Variants in CLSPN observed in about 807,000 individuals in gnomAD.
CLSPN encodes claspin homolog.
Under a neutral mutation model 156.3 loss-of-function variants are expected in CLSPN, and 85 were observed. The ratio of observed to expected loss-of-function variants is 0.54; its 90% CI spans 0.46 to 0.65. CLSPN has a LOEUF of 0.65. Ranked by LOEUF, CLSPN falls within the 30% of genes least tolerant of loss-of-function variation. The probability of loss-of-function intolerance (pLI) is 0.00; values close to 1 mark genes in which losing one functional copy is unlikely to be tolerated. For synonymous variants in CLSPN, 534 were observed against 542.4 expected (o/e 0.98, Z 0.22); for missense variants, 1,407 against 1,554.9 (o/e 0.90, Z 1.60).
In CLSPN at chr1:35,745,594, A is replaced by G. The variant is rs570538176; in HGVS notation, c.2855-32T>C. The G allele has an allele frequency of 2.1e-6, 3 of 1,403,730 alleles. No homozygotes were observed. In the South Asian group the frequency reaches 3.5e-5, roughly 16 times the overall value. The allele number at this position is 1,403,730 out of a possible 1,614,324, so 87.0% of individuals were successfully genotyped here. ...CACAACAAGGAAAAGATGTGTCACC[A>G]AGGAATGATAGCTTTATACTCTTTT... On this transcript the variant is annotated intron_variant, in intron 15 of 24. Transcript: ENST00000318121.
chr1:35,752,330 A>C (rs137911170), intron 9 of CLSPN, among the ~76,000 whole-genome samples: 1 of 152,292 alleles, frequency 6.6e-6, no homozygotes, highest in African/African-American at 2.4e-5. Context: ...CTGTAATCCC[A>C]GCACTTTGCG....
downstream of CLSPN, among the ~76,000 whole-genome samples, chr1:35,728,077 C>CTTTTTTTTTTTTTTTTTTTT (rs59275877): frequency 1.9e-5 from 2 of 103,982 alleles, no homozygotes; most frequent in Non-Finnish European, 3.8e-5. Context: ...AAACCACAAG[C>CTTTTTTTTTTTTTTTTTTTT]TTTTTTTTTT....
intron 24 of CLSPN, chr1:35,721,003 CGAG>C (rs775548561): frequency 2.6e-6 from 4 of 1,525,972 alleles, no homozygotes; most frequent in Non-Finnish European, 3.6e-6. Context: ...TAAAGGAAGA[CGAG>C]GCAGGGAAGA....
At chr1:35,725,603 C>T (rs1641164027) in intron 24 of CLSPN, among the ~76,000 whole-genome samples, 2 of 150,608 alleles carry the variant, frequency 1.3e-5, no homozygotes, top group South Asian at 2.2e-4. Flanking sequence ...CACAGCCTTT[C>T]AAGGCCTGAC....
chr1:35,736,597 T>C lies in CLSPN; in HGVS notation c.3919A>G (p.Arg1307Gly). Reference protein sequence around the residue: ...KESSKSQVKKRGPSFMTSPSP... With the variant: ...KESSKSQVKKGGPSFMTSPSP... ...GGAGAAGTCATGAAAGATGGACCCC[T>C]TTTCTTTACCTAGAGAGCAGAGAGG... is the stretch of plus-strand genomic sequence containing the variant. The change falls in exon 25 of 25, where the codon AGG becomes GGG. Residue 1307 changes from arginine to glycine, a missense_variant. This residue lies in a region of CLSPN where 241 missense variants were observed against 240.5 expected (regional missense o/e 1.00). Coordinates refer to ENST00000318121, the MANE Select transcript of CLSPN (RefSeq NM_022111.4). The C allele has an allele frequency of 6.2e-7, 1 of 1,610,402 alleles. No homozygotes were observed. The highest frequency in any genetic ancestry group is 8.5e-7 in the Non-Finnish European group (1 of 1,178,736).
chr1:35,727,093 G>A (rs550064181), intron 24 of CLSPN, among the ~76,000 whole-genome samples: 3 of 152,154 alleles, frequency 2.0e-5, no homozygotes, highest in African/African-American at 4.8e-5. Context: ...AGGAGTCTCC[G>A]TTCTTTGTTG....
At chr1:35,756,977 G>A (rs1036969335) in intron 8 of CLSPN, among the ~76,000 whole-genome samples, 1 of 152,092 alleles carries the variant, frequency 6.6e-6, no homozygotes, top group African/African-American at 2.4e-5. Flanking sequence ...AATGATCTGG[G>A]CTCTGATCAC....
At chr1:35,731,691 G>C (rs1436473178), downstream of CLSPN, among the ~76,000 whole-genome samples, 5 of 152,058 alleles carry the variant, frequency 3.3e-5, no homozygotes, top group Non-Finnish European at 4.4e-5. Context: ...GATGCAATTT[G>C]GAAGTAGAAA....
rs912700256 is a variant in CLSPN, at chr1:35,762,001, G to A, written c.892C>T (p.Arg298Ter). Reference sequence around the variant, plus strand: ...AAAGTTTACTGGGTTGCATTACCTCGAATAAGGCGCTGAGTCTCACTATGC... The same window carrying A: ...AAAGTTTACTGGGTTGCATTACCTCAAATAAGGCGCTGAGTCTCACTATGC... ...QLHSETQRLI[R>*]ESALNLPYHM... Residue 298 changes from arginine to a stop codon, truncating the protein, a stop_gained, in exon 6 of 25, where the codon CGA (arginine) becomes TGA (stop). Transcript: ENST00000318121. LOFTEE classifies it high-confidence loss of function. 1.2e-6 allele frequency: 2 copies of A among 1,610,504 alleles called. No individual in the cohort carries two copies. Among genetic ancestry groups the A allele is most frequent in the African/African-American group, 1.3e-5 (1 of 74,830 alleles).
downstream of CLSPN, among the ~76,000 whole-genome samples, chr1:35,729,019 G>A (rs746512899): frequency 2.3e-4 from 34 of 147,008 alleles, no homozygotes; most frequent in Middle Eastern, 0.01. Flanking sequence ...AATTTTTCAC[G>A]TTTGGAAAAC....
rs186998662 is a variant in CLSPN, at chr1:35,734,632, C to T, written c.*1864G>A. The T allele has an allele frequency of 0.012, 6,039 of 520,392 alleles. 58 individuals are homozygous for T. The highest frequency in any genetic ancestry group is 0.013 in the Non-Finnish European group (5,455 of 413,858). The allele number at this position is 520,392 out of a possible 1,614,324, so 32.2% of individuals were successfully genotyped here. A position where few individuals can be genotyped will look rare whatever the true frequency, so the allele number is the denominator to read the frequency against. The stretch of plus-strand genomic sequence containing the variant: ...GGCGGAGGTTGCAGTAAGCCGAGAT[C>T]ATGCCATTGTATTCCAGCCTAGGTG... On this transcript the variant is annotated 3_prime_UTR_variant, in exon 25 of 25. Transcript: ENST00000318121.
Position 35,746,974 on chromosome 1 carries a change from G to C in CLSPN, c.2646C>G (p.Asn882Lys). The C allele has an allele frequency of 1.2e-6, 2 of 1,613,866 alleles. No homozygotes were observed. The highest frequency in any genetic ancestry group is 1.7e-6 in the Non-Finnish European group (2 of 1,179,808). The change falls in exon 15 of 25, where the codon AAC becomes AAG. Residue 882 changes from asparagine to lysine, a missense_variant. Around this residue, in one of 3 missense-constraint regions of CLSPN, gnomAD observed 1,096 missense variants for 1,193.0 expected, o/e 0.92. Coordinates refer to ENST00000318121, the MANE Select transcript of CLSPN (RefSeq NM_022111.4). This position sits in a 1 kb window ranked among gnomAD's most constrained non-coding sequence, Gnocchi z 4.2. ...LDADGFLNVR[N>K]HRNQYQALKP... is the part of the protein sequence containing the mutation. ...TCAAAGCTTGGTACTGATTCCTGTG[G>C]TTTCTAACATTTAAGAACCTAAGAA...
At chr1:35,749,566 G>C in intron 11 of CLSPN, 35 bp from the exon 12 acceptor site, 1 of 1,613,932 alleles carries the variant, frequency 6.2e-7, no homozygotes, top group East Asian at 2.2e-5. Context: ...TTCAGTATCT[G>C]TTCCTAGTTT....
intron 1 of CLSPN, among the ~76,000 whole-genome samples, chr1:35,768,620 T>C (rs1409522506): frequency 6.6e-6 from 1 of 151,744 alleles, no homozygotes; most frequent in African/African-American, 2.4e-5. Flanking sequence ...CCATGTTTTC[T>C]ATGCAGGCTG....
intron 9 of CLSPN, among the ~76,000 whole-genome samples, chr1:35,752,168 A>G (rs909170554): frequency 1.3e-5 from 2 of 152,204 alleles, no homozygotes; most frequent in Non-Finnish European, 2.9e-5. Flanking sequence ...ATCTGGCACT[A>G]TAATATAACA....
intron 12 of CLSPN, 177 bp from the exon 13 acceptor site, chr1:35,748,781 C>A: frequency 5.3e-6 from 3 of 570,520 alleles, no homozygotes; most frequent in South Asian, 1.7e-5. Context: ...ATTATATAAT[C>A]AGGGCTTATT....
In CLSPN at chr1:35,753,650, T is replaced by A. The variant is rs544096490; in HGVS notation, c.1771+95A>T. The A allele has an allele frequency of 1.1e-4, 129 of 1,214,666 alleles. No individual in the cohort carries two copies. The East Asian group carries it at 2.9e-3, about 27-fold the overall frequency. The allele number at this position is 1,214,666 out of a possible 1,614,324, so 75.2% of individuals were successfully genotyped here. Reference sequence around the variant, plus strand: ...TCTGCAAAGCCTCCAAGGAAAAAGATTCTATAACTTTTCATTATAAGGTTT... The same window carrying A: ...TCTGCAAAGCCTCCAAGGAAAAAGAATCTATAACTTTTCATTATAAGGTTT... On this transcript the variant is annotated intron_variant, in intron 9 of 24. Coordinates refer to ENST00000318121, the MANE Select transcript of CLSPN (RefSeq NM_022111.4).
At position 35,735,983 on chromosome 1, in the gene CLSPN, C is replaced by T. The variant is rs1354073244; in HGVS notation, c.*513G>A. The stretch of plus-strand genomic sequence containing the variant: ...GCATGTGACCAGCACTTTGTGGGGC[C>T]GAGGTGGATGGATCATTTGAGGTCA... On this transcript the variant is annotated 3_prime_UTR_variant, in exon 25 of 25. Transcript: ENST00000318121. The T allele has an allele frequency of 4.2e-6, 4 of 957,384 alleles. No homozygotes were observed. The highest frequency in any genetic ancestry group is 2.5e-6 in the Non-Finnish European group (2 of 804,760). 59.3% of individuals were successfully genotyped at this position (957,384 alleles called of 1,614,324 possible).
chr1:35,747,678 A>T (rs1057218533), intron 14 of CLSPN, among the ~76,000 whole-genome samples: 1 of 152,180 alleles, frequency 6.6e-6, no homozygotes, highest in African/African-American at 2.4e-5. Context: ...AGATCTATGC[A>T]TTTCAAATAA....
Sources: allele counts gnomAD v4.1 joint callset (sites outside exome capture counted in the v4.1 genomes callset), GRCh38; gene constraint gnomAD v4.1.1; regional missense constraint gnomAD v4.1.1; non-coding constraint Gnocchi (gnomAD v3.1); transcripts MANE v1.5; gene names NCBI Gene and HGNC (gene_info 2026-07-23, HGNC 2026-07-21).